The following PDS5B variants were observed in gnomAD, a reference collection of about 807,000 sequenced individuals.
PDS5B encodes PDS5 cohesin associated factor B.
In PDS5B, 51 loss-of-function variants were observed where a neutral mutation model predicts 184.1. The observed-to-expected ratio is 0.28, with a 90% CI of 0.22 to 0.35. PDS5B has a LOEUF of 0.35. PDS5B is among the 10% of genes least tolerant of loss of function. PDS5B has a pLI of 1.00. For missense variants in PDS5B, 1,180 were observed against 1,723.3 expected (o/e 0.68, Z 5.58); for synonymous variants, 566 against 569.2 (o/e 0.99, Z 0.08).
chr13:32,638,303 A>T (rs912563730), intron 1 of PDS5B, among the ~76,000 whole-genome samples: 1 of 152,208 alleles, frequency 6.6e-6, no homozygotes, highest in Non-Finnish European at 1.5e-5. Flanking sequence ...TCTTGATGGG[A>T]GGAGCAGCAA....
In PDS5B at chr13:32,746,182, T is replaced by G. The variant is rs998874428; in HGVS notation, c.2736+82T>G. 1.1e-5 allele frequency: 13 copies of G among 1,172,460 alleles called. No homozygotes were observed. The African/African-American group carries it at 1.8e-4, about 17-fold the overall frequency. 72.6% of individuals were successfully genotyped at this position (1,172,460 alleles called of 1,614,324 possible). A position where few individuals can be genotyped will look rare whatever the true frequency, so the allele number is the denominator to read the frequency against. On this transcript the variant is annotated intron_variant, in intron 24 of 34. Coordinates refer to ENST00000315596, the MANE Select transcript of PDS5B (RefSeq NM_015032.4). ...AAAACATCCACTGTGATACATAGAT[T>G]AAAATCTTGAATGTGTATGGTTTGT... is the stretch of plus-strand genomic sequence containing the variant.
chr13:32,703,924 C>T (rs543782182), intron 17 of PDS5B, among the ~76,000 whole-genome samples: 1 of 151,942 alleles, frequency 6.6e-6, no homozygotes, highest in East Asian at 1.9e-4. Flanking sequence ...TTTATTTTTC[C>T]ATAGGGACTC....
At chr13:32,610,447 A>G (rs890850551) in intron 1 of PDS5B, among the ~76,000 whole-genome samples, 7 of 152,176 alleles carry the variant, frequency 4.6e-5, no homozygotes, top group African/African-American at 1.7e-4. Context: ...GTTAAGTATG[A>G]TTGTTAGTAA....
chr13:32,637,503 G>T (rs566194478), intron 1 of PDS5B, among the ~76,000 whole-genome samples: 48 of 152,242 alleles, frequency 3.2e-4, no homozygotes, highest in Middle Eastern at 6.8e-3. Flanking sequence ...AAGTGGAAAT[G>T]TTAAGTAGAC....
intron 25 of PDS5B, among the ~76,000 whole-genome samples, chr13:32,754,308 G>A (rs1954093689): frequency 6.6e-6 from 1 of 152,032 alleles, no homozygotes; most frequent in Non-Finnish European, 1.5e-5. Context: ...GTTGCTTGTG[G>A]GATAAAGTTG....
chr13:32,632,883 C>T (rs1026303496), intron 1 of PDS5B, among the ~76,000 whole-genome samples: 8 of 151,880 alleles, frequency 5.3e-5, no homozygotes, highest in African/African-American at 1.9e-4. Flanking sequence ...GCAGGCGGAT[C>T]TTGAGGTCAG....
intron 30 of PDS5B, among the ~76,000 whole-genome samples, chr13:32,763,902 A>G (rs1043811593): frequency 2.0e-5 from 3 of 152,216 alleles, no homozygotes; most frequent in African/African-American, 7.2e-5. Context: ...GAGTTCAACA[A>G]CATATAAATA....
chr13:32,707,173 T>C, intron 18 of PDS5B, 134 bp downstream of exon 18: 1 of 510,406 alleles, frequency 2.0e-6, no homozygotes. Context: ...TTTTAGATGA[T>C]TTAGAAGTTG....
intron 16 of PDS5B, chr13:32,701,106 A>G: frequency 2.5e-6 from 1 of 403,652 alleles, no homozygotes; most frequent in Non-Finnish European, 4.5e-6. Flanking sequence ...AATACAGTGT[A>G]TTGACTAGTC....
At chr13:32,691,473 AAAT>A (rs1951548703) in intron 13 of PDS5B, among the ~76,000 whole-genome samples, 1 of 152,046 alleles carries the variant, frequency 6.6e-6, no homozygotes, top group Admixed American at 6.6e-5. Context: ...TTACTATTTC[AAAT>A]AATGCTGCTG....
chr13:32,699,326 G>A (rs1382314845), intron 15 of PDS5B, among the ~76,000 whole-genome samples: 1 of 152,052 alleles, frequency 6.6e-6, no homozygotes, highest in Non-Finnish European at 1.5e-5. Context: ...TGATAAACAG[G>A]GAAATACAGG....
intron 3 of PDS5B, 128 bp downstream of exon 3, chr13:32,652,135 TA>T: frequency 1.6e-6 from 1 of 638,466 alleles, no homozygotes; most frequent in Non-Finnish European, 2.7e-6. Flanking sequence ...AATCTTTTGC[TA>T]AACTTAATGT....
At chr13:32,736,488 G>C (rs529770936) in intron 21 of PDS5B, among the ~76,000 whole-genome samples, 1 of 151,920 alleles carries the variant, frequency 6.6e-6, no homozygotes, top group African/African-American at 2.4e-5. Context: ...TTTATTGACA[G>C]TCTTGTTCCT....
chr13:32,711,444 GC>G (rs1288122504), intron 19 of PDS5B, among the ~76,000 whole-genome samples: 1 of 150,508 alleles, frequency 6.6e-6, no homozygotes, highest in Admixed American at 6.6e-5. Flanking sequence ...TGCAGCTTCT[GC>G]CTCCCAGGTT....
In PDS5B at chr13:32,667,719, T is replaced by C. The variant is rs547336135; in HGVS notation, c.625-45T>C. On this transcript the variant is annotated intron_variant, in intron 6 of 34. Coordinates refer to ENST00000315596, the MANE Select transcript of PDS5B (RefSeq NM_015032.4). ...TTGAATACAGGTAATATTTTGCTTT[T>C]CATAGTTAGAGATATATAATATAGA... 701 of 1,191,758 alleles carry C rather than the reference T, an allele frequency of 5.9e-4. 10 individuals are homozygous for C. In the South Asian group the frequency reaches 9.5e-3, roughly 16 times the overall value. 73.8% of individuals were successfully genotyped at this position (1,191,758 alleles called of 1,614,324 possible).
At chr13:32,650,642 TA>T (rs1426295939) in intron 2 of PDS5B, 1 of 152,110 alleles carries the variant, frequency 6.6e-6, no homozygotes, top group East Asian at 1.9e-4. Context: ...AGTAATAAAA[TA>T]AAAAAGCTAA....
intron 1 of PDS5B, among the ~76,000 whole-genome samples, chr13:32,641,741 T>A (rs1243140907): frequency 3.3e-5 from 5 of 152,204 alleles, no homozygotes. Context: ...CTCATTTTCT[T>A]TACTCATCTT....
In PDS5B at chr13:32,602,782, C is replaced by G. The variant is rs962406433; in HGVS notation, c.-20+16189C>G. Among the ~76,000 whole-genome samples the G allele has an allele frequency of 1.3e-5, 2 of 152,094 alleles. 1 individual carries two copies. The highest frequency in any genetic ancestry group is 2.9e-5 in the Non-Finnish European group (2 of 68,018). ...TGTTGTTTCCTGACTTTTTAAAGATCGCCATTCTAACGGGTGTGACATGGT... is the reference window on the plus strand; with the variant it reads ...TGTTGTTTCCTGACTTTTTAAAGATGGCCATTCTAACGGGTGTGACATGGT... On this transcript the variant is annotated intron_variant, in intron 1 of 34. Transcript: ENST00000315596.
chr13:32,743,118 A>G (rs116685643), intron 23 of PDS5B, among the ~76,000 whole-genome samples: 310 of 152,078 alleles, frequency 2.0e-3, no homozygotes, highest in African/African-American at 7.3e-3. Flanking sequence ...TTAAAGATGT[A>G]CCTGAAGTAA....
Sources: allele counts gnomAD v4.1 joint callset (sites outside exome capture counted in the v4.1 genomes callset), GRCh38; gene constraint gnomAD v4.1.1; transcripts MANE v1.5; gene names NCBI Gene and HGNC (gene_info 2026-07-23, HGNC 2026-07-21).